GANAB: variants seen among roughly 807,000 people sequenced by gnomAD.
The protein encoded by GANAB is glucosidase II alpha subunit.
In GANAB, 35 loss-of-function variants were observed where a neutral mutation model predicts 129.9. The ratio of observed to expected loss-of-function variants is 0.27; its 90% CI spans 0.21 to 0.36. The LOEUF (loss-of-function observed/expected upper bound fraction) is 0.36, where lower values mean the gene tolerates loss of function less well. GANAB is among the 10% of genes least tolerant of loss of function. The pLI, the probability that GANAB is intolerant of heterozygous loss-of-function variation, is 1.00. For synonymous variants in GANAB, 482 were observed against 451.8 expected, an observed-to-expected ratio of 1.07 and a Z score of -0.85; for missense variants, 939 against 1,221.0, an observed-to-expected ratio of 0.77 and a Z score of 3.44.
intron 1 of GANAB, among the ~76,000 whole-genome samples, chr11:62,644,385 C>T (rs1944388951): frequency 6.6e-6 from 1 of 151,672 alleles, no homozygotes; most frequent in Non-Finnish European, 1.5e-5. Context: ...CAGTGGCTCA[C>T]GTCTATAATC....
At chr11:62,635,291 T>C (rs1943895730) in intron 4 of GANAB, among the ~76,000 whole-genome samples, 1 of 151,740 alleles carries the variant, frequency 6.6e-6, no homozygotes, top group Admixed American at 6.6e-5. Flanking sequence ...TTCAAGCAAT[T>C]CTCCTGCCTC....
intron 16 of GANAB, 88 bp downstream of exon 16, chr11:62,629,106 C>G (rs1438756558): frequency 9.7e-6 from 15 of 1,550,852 alleles, no homozygotes; most frequent in Middle Eastern, 1.7e-4. Flanking sequence ...GGACTCTCAA[C>G]TCTCTTTGCT....
At position 62,639,373 on chromosome 11, in the gene GANAB, G is replaced by C; in HGVS notation, c.238C>G (p.His80Asp). The C allele has an allele frequency of 1.9e-6, 3 of 1,607,084 alleles. No individual in the cohort carries two copies. Among genetic ancestry groups the C allele is most frequent in the South Asian group, 2.2e-5 (2 of 90,916 alleles). The change falls in exon 3 of 24, where the codon CAT (histidine) becomes GAT (aspartate). Residue 80 changes from histidine (H) to aspartate (D), a missense_variant. His to Asp is a moderately conservative substitution (Grantham distance 81). Around this residue, in one of 5 missense-constraint regions of GANAB, gnomAD observed 321 missense variants for 329.1 expected, o/e 0.98. Coordinates refer to ENST00000356638, the MANE Select transcript of GANAB (RefSeq NM_198334.3). ...TCTCTCCTGACCTTGGTGACCTCAT[G>C]GATCAGATGGACCGTGAGGGAATCA... ...GPDSLTVHLI[H>D]EVTKVLLVLE...
intron 4 of GANAB, among the ~76,000 whole-genome samples, chr11:62,635,398 T>C (rs1943899955): frequency 6.6e-6 from 1 of 151,950 alleles, no homozygotes; most frequent in Admixed American, 6.6e-5. Flanking sequence ...GAGGCTGGTC[T>C]CAAACTCCTG....
chr11:62,642,808 C>T (rs993325995), intron 1 of GANAB, among the ~76,000 whole-genome samples: 1 of 152,152 alleles, frequency 6.6e-6, no homozygotes, highest in Admixed American at 6.6e-5. Context: ...TTACATGCAT[C>T]TTCTTTTCCC....
In GANAB at chr11:62,633,140, G is replaced by A. The variant is rs199790109; in HGVS notation, c.719-39C>T. 9 of 1,601,378 alleles carry A rather than the reference G, an allele frequency of 5.6e-6. No individual in the cohort carries two copies. In the East Asian group the frequency reaches 2.0e-4, roughly 36 times the overall value. On this transcript the variant is annotated intron_variant, in intron 7 of 23. Transcript: ENST00000356638. Reference sequence around the variant, plus strand: ...AAACAAGCTTCAGAGCTTCTGCTTGGAAAGGAGCCCTGCACCCCAGCCCAA... The same window carrying A: ...AAACAAGCTTCAGAGCTTCTGCTTGAAAAGGAGCCCTGCACCCCAGCCCAA...
intron 5 of GANAB, 128 bp downstream of exon 5, chr11:62,634,693 A>G: frequency 1.3e-6 from 1 of 778,552 alleles, no homozygotes; most frequent in African/African-American, 1.7e-5. Context: ...CCTCCCTGAC[A>G]GAGAGCTTCT....
At chr11:62,633,129 G>A in intron 7 of GANAB, 28 bp from the exon 8 acceptor site, 1 of 1,600,504 alleles carries the variant, frequency 6.2e-7, no homozygotes, top group Non-Finnish European at 8.6e-7. Flanking sequence ...AAGCTTCAGA[G>A]CTTCTGCTTG....
intron 2 of GANAB, 41 bp from the exon 3 acceptor site, chr11:62,639,508 G>C (rs1337823358): frequency 6.6e-7 from 1 of 1,508,918 alleles, no homozygotes; most frequent in Non-Finnish European, 9.2e-7. Flanking sequence ...AAGGCCACCT[G>C]CAATGTCCCT....
At position 62,630,366 on chromosome 11, in the gene GANAB, T is replaced by G. The variant is rs756965897; in HGVS notation, c.1513+13A>C. 6.8e-6 allele frequency: 11 copies of G among 1,614,162 alleles called. No individual in the cohort carries two copies. Among genetic ancestry groups the G allele is most frequent in the Non-Finnish European group, 9.3e-6 (11 of 1,180,030 alleles). ...TGGCCAATCAACTCTCCCTCAATTC[T>G]GGGTCTGCTTACCTGGCCAGCACCA... is the stretch of plus-strand genomic sequence containing the variant. On this transcript the variant is annotated intron_variant, in intron 12 of 23. Coordinates refer to ENST00000356638, the MANE Select transcript of GANAB (RefSeq NM_198334.3).
At position 62,633,494 on chromosome 11, in the gene GANAB, G is replaced by A. The variant is rs1348161474; in HGVS notation, c.581C>T (p.Ala194Val). ...PRVSQGSKDP[A>V]EGDGAQPEET... is the part of the protein sequence containing the mutation. ...CTCAGGCTGGGCCCCATCGCCCTCA[G>A]CTGGGTCTTTTGATCCTTGCCTGGA... Residue 194 changes from alanine to valine, a missense_variant, in exon 6 of 24, where the codon GCT (alanine) becomes GTT (valine). Coordinates refer to ENST00000356638, the MANE Select transcript of GANAB (RefSeq NM_198334.3). 2 of 1,613,736 alleles carry A rather than the reference G, an allele frequency of 1.2e-6. No individual in the cohort carries two copies. Among genetic ancestry groups the A allele is most frequent in the South Asian group, 1.1e-5 (1 of 91,050 alleles).
chr11:62,636,688 G>A (rs892191333), intron 4 of GANAB, among the ~76,000 whole-genome samples: 4 of 151,984 alleles, frequency 2.6e-5, no homozygotes, highest in Admixed American at 6.6e-5. Context: ...AGTGACGCAC[G>A]CCTGTAGTCC....
At chr11:62,626,274 G>A (rs998369610) in intron 22 of GANAB, 61 bp downstream of exon 22, 1 of 1,339,916 alleles carries the variant, frequency 7.5e-7, no homozygotes, top group Non-Finnish European at 1.1e-6. Flanking sequence ...AGTGAACTGG[G>A]AGCCCCCACA....
rs749999508 is a variant in GANAB at position 62,626,350 on chromosome 11, T to C, written c.2609A>G (p.Asn870Ser). 6.2e-7 allele frequency: 1 copy of C among 1,609,350 alleles called. No homozygotes were observed. Among genetic ancestry groups the C allele is most frequent in the South Asian group, 1.1e-5 (1 of 90,976 alleles). The change falls in exon 22 of 24, where the codon AAC (asparagine) becomes AGC (serine). Residue 870 changes from asparagine (N) to serine (S), a missense_variant. By Grantham distance (46) the Asn-to-Ser change is conservative. Transcript: ENST00000356638. ...GACCCATTACCTGGAGACAAGGGTG[T>C]TGCCAGAGAATGAGAATCGACGCAG... The part of the protein sequence containing the change: ...FLLRRFSFSG[N>S]TLVSSSADPE...
intron 5 of GANAB, chr11:62,634,491 A>T (rs1401647054): frequency 1.4e-6 from 1 of 717,268 alleles, no homozygotes; most frequent in Non-Finnish European, 2.5e-6. Flanking sequence ...GGGAAAAAGA[A>T]ACCAAAAAAA....
intron 1 of GANAB, 61 bp downstream of exon 1, chr11:62,646,501 G>A (rs529474031): frequency 1.9e-6 from 3 of 1,565,612 alleles, no homozygotes; most frequent in East Asian, 2.2e-5. Context: ...GGAAGGAGTG[G>A]AATGGGACTT....
Position 62,625,479 on chromosome 11 carries a change from G to A in GANAB, c.*336C>T. On this transcript the variant is annotated 3_prime_UTR_variant, in exon 24 of 24. Coordinates refer to ENST00000356638, the MANE Select transcript of GANAB (RefSeq NM_198334.3). ...GAGGCATGAATGGATAGACTCTGGG[G>A]GAGTTCAGGGCTCCTAAATAAGGGA... 2.5e-6 allele frequency: 1 copy of A among 406,602 alleles called. No individual in the cohort carries two copies. The highest frequency in any genetic ancestry group is 4.7e-6 in the Non-Finnish European group (1 of 213,772). The allele number at this position is 406,602 out of a possible 1,614,324, so 25.2% of individuals were successfully genotyped here. A position where few individuals can be genotyped will look rare whatever the true frequency, so the allele number is the denominator to read the frequency against.
At chr11:62,643,686 C>A (rs1244311801) in intron 1 of GANAB, among the ~76,000 whole-genome samples, 1 of 152,094 alleles carries the variant, frequency 6.6e-6, no homozygotes, top group African/African-American at 2.4e-5. Flanking sequence ...CGTAGTGGCA[C>A]ATGCCTATAA....
chr11:62,631,562 A>C (rs1006259392), intron 9 of GANAB, among the ~76,000 whole-genome samples: 7 of 151,238 alleles, frequency 4.6e-5, no homozygotes, highest in African/African-American at 1.7e-4. Context: ...TCCCCAGTTC[A>C]ACCAGTTCTC....
Sources: allele counts gnomAD v4.1 joint callset (sites outside exome capture counted in the v4.1 genomes callset), GRCh38; gene constraint gnomAD v4.1.1; regional missense constraint gnomAD v4.1.1; transcripts MANE v1.5; gene names NCBI Gene and HGNC (gene_info 2026-07-23, HGNC 2026-07-21).